The following CTNND2 variants were observed in gnomAD, a reference collection of about 807,000 sequenced individuals.
CTNND2 encodes the protein catenin delta-2.
A neutral mutation model predicts 144.4 loss-of-function variants in CTNND2; 22 were observed. The observed-to-expected ratio is 0.15, with a 90% confidence interval of 0.11 to 0.22. CTNND2 has a LOEUF of 0.22. CTNND2 is among the 10% of genes least tolerant of loss of function. The pLI is 1.00. For synonymous variants in CTNND2, 751 were observed against 695.6 expected, an observed-to-expected ratio of 1.08 and a Z score of -1.25; for missense variants, 1,353 against 1,618.8, an observed-to-expected ratio of 0.84 and a Z score of 2.82.
intron 9 of CTNND2, among the ~76,000 whole-genome samples, chr5:11,250,491 C>CTCTCTATATATATATATATATA (rs869141186): frequency 1.9e-4 from 12 of 64,102 alleles, no homozygotes; most frequent in South Asian, 7.3e-4. Context: ...CTCTCTCTCT[C>CTCTCTATATATATATATATATA]TATATATATA....
chr5:11,774,369 G>A (rs1226894017), intron 1 of CTNND2, among the ~76,000 whole-genome samples: 1 of 131,886 alleles, frequency 7.6e-6, no homozygotes, highest in Non-Finnish European at 1.6e-5. Flanking sequence ...ATGGACACAG[G>A]AAGGGGAATA....
At chr5:11,551,946 G>T (rs1017005576) in intron 3 of CTNND2, among the ~76,000 whole-genome samples, 5 of 152,032 alleles carry the variant, frequency 3.3e-5, no homozygotes, top group Non-Finnish European at 7.4e-5. Flanking sequence ...TGTTGCCCAG[G>T]CTGGTCTCGA....
chr5:10,996,528 T>G (rs1422862570), intron 18 of CTNND2, among the ~76,000 whole-genome samples: 1 of 152,038 alleles, frequency 6.6e-6, no homozygotes, highest in Admixed American at 6.5e-5. Flanking sequence ...CTCGGGGGGC[T>G]GTGTCCTCAG....
At chr5:11,253,427 C>T (rs1743874451) in intron 9 of CTNND2, among the ~76,000 whole-genome samples, 1 of 152,116 alleles carries the variant, frequency 6.6e-6, no homozygotes, top group Non-Finnish European at 1.5e-5. Flanking sequence ...GCTGTTTCCC[C>T]CATACTATTT....
intron 11 of CTNND2, among the ~76,000 whole-genome samples, chr5:11,171,117 T>TG (rs1759860651): frequency 1.3e-5 from 2 of 152,198 alleles, no homozygotes; most frequent in Non-Finnish European, 2.9e-5. Flanking sequence ...CAGATACTGT[T>TG]GCTCTATCAT....
In CTNND2 at chr5:11,904,082, G is replaced by A; in HGVS notation, c.-229C>T. On this transcript the variant is annotated 5_prime_UTR_variant, in exon 1 of 22. Coordinates refer to ENST00000304623, the MANE Select transcript of CTNND2 (RefSeq NM_001332.4). The surrounding 1 kb of genome is among the most constrained non-coding windows in gnomAD (Gnocchi z 4.2). The stretch of plus-strand genomic sequence containing the variant: ...CCGGCCCGGCGGCCCCTCCGAGCTC[G>A]GCGAGCGCAGCGCCCCCTGCCCGGC... 4.7e-6 allele frequency: 1 copy of A among 212,916 alleles called. No individual in the cohort carries two copies. The highest frequency in any genetic ancestry group is 1.3e-4 in the East Asian group (1 of 7,764). The allele number at this position is 212,916 out of a possible 1,614,324, so 13.2% of individuals were successfully genotyped here.
chr5:11,029,133 C>T (rs796170453), intron 16 of CTNND2, among the ~76,000 whole-genome samples: 18 of 152,154 alleles, frequency 1.2e-4, no homozygotes, highest in South Asian at 8.3e-4. Flanking sequence ...GGTGTGAACA[C>T]GGATGTACAA....
chr5:11,096,205 C>T lies in CTNND2; in HGVS notation c.2637+2370G>A, dbSNP rs369641672. ...ATTATACTTTAAGTTCTGGGATACA[C>T]GTGCAGAATGTGCAGGTTTGTTACA... On this transcript the variant is annotated intron_variant, in intron 15 of 21. Coordinates refer to ENST00000304623, the MANE Select transcript of CTNND2 (RefSeq NM_001332.4). 5.3e-5 allele frequency among the ~76,000 whole-genome samples: 8 copies of T among 152,188 alleles called. No homozygotes were observed. In the South Asian group the frequency reaches 6.2e-4, roughly 12 times the overall value.
chr5:11,527,871 C>T (rs1773402884), intron 3 of CTNND2, among the ~76,000 whole-genome samples: 1 of 152,124 alleles, frequency 6.6e-6, no homozygotes, highest in African/African-American at 2.4e-5. Context: ...AACAGTTACC[C>T]CAGGGTGTAG....
intron 1 of CTNND2, among the ~76,000 whole-genome samples, chr5:11,871,898 A>C (rs547352289): frequency 3.2e-4 from 49 of 152,282 alleles, no homozygotes; most frequent in African/African-American, 1.1e-3. Flanking sequence ...TTCCTACAGA[A>C]AAATCTATTC....
intron 10 of CTNND2, among the ~76,000 whole-genome samples, chr5:11,232,079 A>C (rs953563827): frequency 6.6e-6 from 1 of 152,236 alleles, no homozygotes; most frequent in Admixed American, 6.5e-5. Context: ...TTGAGGTTTG[A>C]GAACCTCTGC....
intron 9 of CTNND2, among the ~76,000 whole-genome samples, chr5:11,295,321 T>G (rs556781072): frequency 2.4e-4 from 37 of 152,144 alleles, no homozygotes; most frequent in Non-Finnish European, 3.2e-4. Context: ...CACTGCTCGA[T>G]GAAATAAAAG....
chr5:11,222,506 G>A (rs1739900920), intron 10 of CTNND2, among the ~76,000 whole-genome samples: 1 of 152,104 alleles, frequency 6.6e-6, no homozygotes, highest in Non-Finnish European at 1.5e-5. Flanking sequence ...TCTCCTTCTG[G>A]TTATAAAGAA....
At chr5:11,771,311 G>C (rs1581856113) in intron 1 of CTNND2, among the ~76,000 whole-genome samples, 1 of 149,982 alleles carries the variant, frequency 6.7e-6, no homozygotes, top group African/African-American at 2.5e-5. Flanking sequence ...TTTAGCAGAG[G>C]CGGGGTTTCA....
intron 1 of CTNND2, among the ~76,000 whole-genome samples, chr5:11,783,661 A>T (rs371057004): frequency 6.6e-6 from 1 of 152,184 alleles, no homozygotes; most frequent in Non-Finnish European, 1.5e-5. Flanking sequence ...GCCAGTGGAG[A>T]TCATGAGCAA....
intron 9 of CTNND2, among the ~76,000 whole-genome samples, chr5:11,341,679 A>G (rs1038826610): frequency 1.3e-5 from 2 of 152,176 alleles, no homozygotes; most frequent in Admixed American, 6.5e-5. Context: ...AAACTTTAAT[A>G]TTTAAAAAAT....
chr5:11,123,101 C>T (rs1467687494), intron 12 of CTNND2, among the ~76,000 whole-genome samples: 1 of 152,148 alleles, frequency 6.6e-6, no homozygotes, highest in South Asian at 2.1e-4. Context: ...CCAAGCACTG[C>T]CTTTTCTACC....
intron 8 of CTNND2, among the ~76,000 whole-genome samples, chr5:11,354,174 G>A (rs1755627522): frequency 6.6e-6 from 1 of 152,166 alleles, no homozygotes; most frequent in African/African-American, 2.4e-5. Flanking sequence ...TGGTGATAGA[G>A]CTGGTTTTGC....
intron 3 of CTNND2, among the ~76,000 whole-genome samples, chr5:11,479,498 C>T (rs903952923): frequency 2.6e-5 from 4 of 152,104 alleles, no homozygotes; most frequent in African/African-American, 9.7e-5. Flanking sequence ...AATTTATATT[C>T]CTTTGGTTAT....
Sources: allele counts gnomAD v4.1 joint callset (sites outside exome capture counted in the v4.1 genomes callset), GRCh38; gene constraint gnomAD v4.1.1; non-coding constraint Gnocchi (gnomAD v3.1); transcripts MANE v1.5; gene names NCBI Gene and HGNC (gene_info 2026-07-23, HGNC 2026-07-21).